COL16A1: variants seen among roughly 807,000 people sequenced by gnomAD.
COL16A1 encodes the protein collagen type XVI alpha 1 chain, also known as collagen alpha-1(XVI) chain.
COL16A1 carries 189 observed loss-of-function variants against 266.3 expected under a neutral mutation model. That is an observed-to-expected ratio of 0.71 (90% CI 0.63 to 0.80). The LOEUF (loss-of-function observed/expected upper bound fraction) is 0.80, where lower values mean the gene tolerates loss of function less well. COL16A1 is among the 30% of genes least tolerant of loss of function. The probability of loss-of-function intolerance (pLI) is 0.00; values close to 1 mark genes in which losing one functional copy is unlikely to be tolerated. For synonymous variants in COL16A1, 740 were observed against 782.3 expected, an observed-to-expected ratio of 0.95 and a Z score of 0.90; for missense variants, 1,928 against 2,122.4, an observed-to-expected ratio of 0.91 and a Z score of 1.80.
At position 31,691,406 on chromosome 1, in the gene COL16A1, G is replaced by T. The variant is rs778204748; in HGVS notation, c.1398+11C>A. 1 of 1,607,114 alleles carries T rather than the reference G, an allele frequency of 6.2e-7. No homozygotes were observed. Among genetic ancestry groups the T allele is most frequent in the Non-Finnish European group, 8.5e-7 (1 of 1,176,042 alleles). On this transcript the variant is annotated intron_variant, in intron 19 of 70. Transcript: ENST00000373672. ...AGAAAAGCACAGCAGGAGAAGCAAGGGGGTACTCACCGGGGTCCCAGGCAG... is the reference window on the plus strand; with the variant it reads ...AGAAAAGCACAGCAGGAGAAGCAAGTGGGTACTCACCGGGGTCCCAGGCAG...
chr1:31,693,003 C>A (rs1644342572), intron 13 of COL16A1, 89 bp downstream of exon 13: 2 of 1,038,826 alleles, frequency 1.9e-6, no homozygotes, highest in Non-Finnish European at 2.9e-6. Context: ...AGGCTTTCTG[C>A]CGGGATGATG....
intron 19 of COL16A1, 90 bp downstream of exon 19, chr1:31,691,327 G>A: frequency 6.3e-7 from 1 of 1,585,980 alleles, no homozygotes; most frequent in Non-Finnish European, 8.6e-7. Context: ...CCCTGGGACA[G>A]AGCCTTATCT....
In COL16A1 at chr1:31,666,199, C is replaced by T. The variant is rs1642131237; in HGVS notation, c.3358-118G>A. 22 of 1,100,194 alleles carry T rather than the reference C, an allele frequency of 2.0e-5. No homozygotes were observed. In the Admixed American group the frequency reaches 5.4e-4, roughly 27 times the overall value. The allele number at this position is 1,100,194 out of a possible 1,614,324, so 68.2% of individuals were successfully genotyped here. On this transcript the variant is annotated intron_variant, in intron 52 of 70. Transcript: ENST00000373672. The stretch of plus-strand genomic sequence containing the variant: ...TGGCATGTGCTGGGAGGCCCCTGGG[C>T]TGGCAGGCCCCCTCTGCCTGATCTG...
Position 31,658,875 on chromosome 1 carries a change from ACTC to A in COL16A1, c.3930+36_3930+38del, listed in dbSNP as rs987210215. ...GGAGCCCACAGTCAAGCAGGGCAAA[ACTC>A]CTGGGAGGGAGGAAGGAGTGGAGCA... is the stretch of plus-strand genomic sequence containing the variant. On this transcript the variant is annotated intron_variant, in intron 63 of 70. Transcript: ENST00000373672. 3.9e-6 allele frequency: 6 copies of A among 1,550,638 alleles called. No individual in the cohort carries two copies. The African/African-American group carries it at 8.2e-5, about 21-fold the overall frequency.
intron 43 of COL16A1, 58 bp from the exon 44 acceptor site, chr1:31,675,097 T>C: frequency 6.2e-6 from 10 of 1,612,054 alleles, no homozygotes; most frequent in South Asian, 4.4e-5. Context: ...TGGAGACTTA[T>C]GGGATCAGGG....
In COL16A1 at chr1:31,658,914, C is replaced by A. The variant is rs542095150; in HGVS notation, c.3930G>T (p.Val1310=). 6 of 1,553,282 alleles carry A rather than the reference C, an allele frequency of 3.9e-6. No homozygotes were observed. The African/African-American group carries it at 6.8e-5, about 18-fold the overall frequency. ...GQPGPAGISA[V]GLKGDRGATG... is the part of the protein sequence containing the mutation. ...GGAAGGAGTGGAGCATGTTACTCAC[C>A]ACTGCAGAGATCCCAGCTGGTCCTG... The change falls in exon 63 of 71, where the codon GTG becomes GTT. Residue 1310 remains valine (V), a splice_region_variant and synonymous_variant. Coordinates refer to ENST00000373672, the MANE Select transcript of COL16A1 (RefSeq NM_001856.4).
intron 40 of COL16A1, 87 bp from the exon 41 acceptor site, chr1:31,679,938 G>C: frequency 6.4e-7 from 1 of 1,555,548 alleles, no homozygotes; most frequent in Admixed American, 2.0e-5. Context: ...GAGGCGGCTG[G>C]CTGGGGTGCG....
At chr1:31,661,277 CTGCCAGGCACCA>C in intron 60 of COL16A1, 125 bp downstream of exon 60, 1 of 1,516,900 alleles carries the variant, frequency 6.6e-7, no homozygotes, top group Non-Finnish European at 9.0e-7. Context: ...CTGACCCAGT[CTGCCAGGCACCA>C]GTGGCCCCAG....
chr1:31,656,507 C>T lies in COL16A1; in HGVS notation c.4057-63G>A. ...GCATCTCTGAGGCTCCCTGGGGAGG[C>T]AGGTGCAGTGAAGAGGCCCCTTCCA... On this transcript the variant is annotated intron_variant, in intron 65 of 70. Transcript: ENST00000373672. The surrounding 1 kb of genome is among the most constrained non-coding windows in gnomAD (Gnocchi z 4.2). 6.3e-7 allele frequency: 1 copy of T among 1,588,316 alleles called. No homozygotes were observed. The highest frequency in any genetic ancestry group is 2.3e-5 in the East Asian group (1 of 44,076).
At chr1:31,681,278 G>A (rs1481323155) in intron 37 of COL16A1, among the ~76,000 whole-genome samples, 1 of 152,218 alleles carries the variant, frequency 6.6e-6, no homozygotes, top group Non-Finnish European at 1.5e-5. Flanking sequence ...CCAGCCACTG[G>A]GCCAAGTACC....
intron 44 of COL16A1, among the ~76,000 whole-genome samples, chr1:31,674,222 G>A (rs1032612097): frequency 3.3e-5 from 5 of 152,188 alleles, no homozygotes; most frequent in Admixed American, 6.5e-5. Context: ...AGAAGAGGGT[G>A]GCCAGGATGA....
At chr1:31,677,580 T>G (rs1643295583) in intron 42 of COL16A1, among the ~76,000 whole-genome samples, 2 of 152,242 alleles carry the variant, frequency 1.3e-5, no homozygotes, top group Non-Finnish European at 2.9e-5. Flanking sequence ...GACCTACTAG[T>G]TGCCTCAGGC....
intron 13 of COL16A1, 85 bp downstream of exon 13, chr1:31,693,007 G>C: frequency 9.7e-7 from 1 of 1,025,866 alleles, no homozygotes; most frequent in Non-Finnish European, 1.5e-6. Context: ...TTTCTGCCGG[G>C]ATGATGGGAT....
rs780498909 is a variant in COL16A1, at chr1:31,684,840, C to A, written c.2033G>T (p.Arg678Leu). The A allele has an allele frequency of 3.1e-6, 5 of 1,614,128 alleles. No homozygotes were observed. The East Asian group carries it at 1.1e-4, about 36-fold the overall frequency. Residue 678 changes from arginine (R) to leucine (L), a missense_variant, in exon 30 of 71, where the codon CGT (arginine) becomes CTT (leucine). Arg to Leu is a moderately radical substitution (Grantham distance 102, BLOSUM62 -2). Transcript: ENST00000373672. ...TCTCACCTTCTGCCCCTTCAGTCCA[C>A]GCTCTCCAGCCTTGCCCTGAGGAGA... ...LPGKQGKAGERGLKGQKGDAG... is the reference protein window; with the variant it reads ...LPGKQGKAGELGLKGQKGDAG...
At chr1:31,681,327 G>A (rs905966714) in intron 37 of COL16A1, among the ~76,000 whole-genome samples, 78 of 152,212 alleles carry the variant, frequency 5.1e-4, no homozygotes, top group East Asian at 3.9e-4. Flanking sequence ...CTCCCAGCCC[G>A]GCAGGACGGT....
In COL16A1 at chr1:31,695,316, T is replaced by C. The variant is rs899599734; in HGVS notation, c.946-95A>G. 4.0e-6 allele frequency: 5 copies of C among 1,240,506 alleles called. No homozygotes were observed. In the Admixed American group the frequency reaches 7.2e-5, roughly 18 times the overall value. 76.8% of individuals were successfully genotyped at this position (1,240,506 alleles called of 1,614,324 possible). On this transcript the variant is annotated intron_variant, in intron 10 of 70. Coordinates refer to ENST00000373672, the MANE Select transcript of COL16A1 (RefSeq NM_001856.4). ...CACCAGGCCCACAGAACATCACACA[T>C]ATCTTGAGTGGAATCTGAGGGGAGC... is the stretch of plus-strand genomic sequence containing the variant.
chr1:31,689,956 C>T, intron 22 of COL16A1, 105 bp from the exon 23 acceptor site: 2 of 896,248 alleles, frequency 2.2e-6, no homozygotes, highest in East Asian at 5.2e-5. Context: ...TCCACCAGAG[C>T]CCCACCCCCA....
In COL16A1 at chr1:31,653,859, A is replaced by G; in HGVS notation, c.4534+8T>C. On this transcript the variant is annotated splice_region_variant and intron_variant, in intron 69 of 70. Coordinates refer to ENST00000373672, the MANE Select transcript of COL16A1 (RefSeq NM_001856.4). ...ATGTGTCCCTTGGGAACTGTAGGGC[A>G]GAGCTACCTCTTACTCCTGGCAAGC... 1 of 1,606,132 alleles carries G rather than the reference A, an allele frequency of 6.2e-7. No individual in the cohort carries two copies. The highest frequency in any genetic ancestry group is 1.1e-5 in the South Asian group (1 of 90,528).
At chr1:31,695,677 C>A (rs2148821083) in intron 10 of COL16A1, 84 bp downstream of exon 10, 1 of 1,329,904 alleles carries the variant, frequency 7.5e-7, no homozygotes, top group Admixed American at 1.8e-5. Flanking sequence ...GCCAGCACCC[C>A]TATGCTGAGG....
Sources: gnomAD v4.1 joint callset for allele counts (sites outside exome capture counted in the v4.1 genomes callset) on GRCh38, gnomAD v4.1.1 for gene constraint, Gnocchi (gnomAD v3.1) non-coding constraint, MANE v1.5 for transcripts, NCBI Gene and HGNC (gene_info 2026-07-23, HGNC 2026-07-21) for gene names.